Variants in RGN observed in about 807,000 individuals in gnomAD.
RGN encodes regucalcin, also known as epididymis secretory protein Li 41.
A neutral mutation model predicts 20.6 loss-of-function variants in RGN; 19 were observed. The observed-to-expected ratio is 0.92, with a 90% confidence interval of 0.64 to 1.35. RGN has a LOEUF of 1.35. Among genes scored for constraint, RGN ranks in the 40% most tolerant of loss-of-function variants. The probability of loss-of-function intolerance (pLI) is 0.00; values close to 1 mark genes in which losing one functional copy is unlikely to be tolerated. For missense variants in RGN, 302 were observed against 232.7 expected, an observed-to-expected ratio of 1.30 and a Z score of -1.94; for synonymous variants, 85 against 87.2, an observed-to-expected ratio of 0.97 and a Z score of 0.14.
At chrX:47,087,076 A>G (rs1477724275) in intron 4 of RGN, among the ~76,000 whole-genome samples, 4 of 111,906 alleles carry the variant, frequency 3.6e-5, no homozygotes, top group African/African-American at 1.3e-4. Context: ...AAAGTTTACT[A>G]TGATGGTTGC....
chrX:47,092,994 G>A lies in RGN; in HGVS notation c.*47G>A. On this transcript the variant is annotated 3_prime_UTR_variant, in exon 8 of 8. Transcript: ENST00000397180. Reference sequence around the variant, plus strand: ...AGAGGGAGCTCTGAAGACAACTAGAGAATTCTGGGCCTGAAATTTCAATCT... The same window carrying A: ...AGAGGGAGCTCTGAAGACAACTAGAAAATTCTGGGCCTGAAATTTCAATCT... 9 of 1,005,062 alleles carry A rather than the reference G, an allele frequency of 9.0e-6. No homozygotes were observed. The highest frequency in any genetic ancestry group is 1.2e-5 in the Non-Finnish European group (9 of 721,525). 82.8% of individuals were successfully genotyped at this position (1,005,062 alleles called of 1,213,427 possible). A position where few individuals can be genotyped will look rare whatever the true frequency, so the allele number is the denominator to read the frequency against.
At chrX:47,089,269 T>C (rs1187630932) in intron 4 of RGN, among the ~76,000 whole-genome samples, 1 of 91,724 alleles carries the variant, frequency 1.1e-5, no homozygotes, top group Non-Finnish European at 2.1e-5. Context: ...CGTGCATGTT[T>C]ACTCCTTCTT....
chrX:47,088,543 C>T (rs1371948639), intron 4 of RGN, among the ~76,000 whole-genome samples: 5 of 110,765 alleles, frequency 4.5e-5, no homozygotes, highest in Non-Finnish European at 5.7e-5. Flanking sequence ...ATTCTCTTCT[C>T]CTATGTGAGT....
intron 5 of RGN, 46 bp downstream of exon 5, chrX:47,090,037 CAT>C: frequency 1.0e-6 from 1 of 999,557 alleles, no homozygotes; most frequent in Non-Finnish European, 1.4e-6. Flanking sequence ...CTATTGTTTT[CAT>C]ATGTTTGTGA....
intron 5 of RGN, among the ~76,000 whole-genome samples, chrX:47,091,176 C>T (rs1930999346): frequency 9.0e-6 from 1 of 110,899 alleles, no homozygotes; most frequent in Admixed American, 9.7e-5. Context: ...TCTGAGTGCC[C>T]CTCCTGCAAG....
intron 4 of RGN, among the ~76,000 whole-genome samples, chrX:47,085,244 C>T (rs782738678): frequency 7.2e-5 from 8 of 111,125 alleles, no homozygotes; most frequent in Non-Finnish European, 1.1e-4. Context: ...ACAGGCCAGG[C>T]GTGGTGGCTC....
chrX:47,091,850 G>A, intron 6 of RGN, 41 bp downstream of exon 6: 2 of 1,184,221 alleles, frequency 1.7e-6, no homozygotes, highest in Non-Finnish European at 2.3e-6. Context: ...TCATGGCTAG[G>A]CAGAGATATA....
chrX:47,089,599 AC>A (rs1930830699), intron 4 of RGN, among the ~76,000 whole-genome samples, 176 bp from the exon 5 acceptor site: 34 of 12,269 alleles, frequency 2.8e-3, no homozygotes, highest in African/African-American at 0.018. Context: ...ATATATATAT[AC>A]ACACACACAC....
At chrX:47,084,823 C>T (rs1251653901) in intron 4 of RGN, 1 of 347,153 alleles carries the variant, frequency 2.9e-6, no homozygotes, top group Non-Finnish European at 4.9e-6. Context: ...GGCCTGGTGG[C>T]ATGCATCTGT....
rs140381313 is a variant in RGN at position 47,083,776 on chromosome X, G to A, written c.164-642G>A. ...AAATACAAATAAAAATTAGCTAGGC[G>A]TGGTGCATGCCTGTAATCCCAGCTA... is the stretch of plus-strand genomic sequence containing the variant. On this transcript the variant is annotated intron_variant, in intron 3 of 7. Transcript: ENST00000397180. Among the ~76,000 whole-genome samples the A allele has an allele frequency of 9.9e-3, 1,095 of 110,732 alleles. 9 individuals carry two copies. The highest frequency in any genetic ancestry group is 0.034 in the African/African-American group (1,026 of 30,399).
In RGN at chrX:47,089,822, G is replaced by C. The variant is rs1930853431; in HGVS notation, c.393G>C (p.Gln131His). The change falls in exon 5 of 8, where the codon CAG becomes CAC. Residue 131 changes from glutamine (Q) to histidine (H), a missense_variant. Coordinates refer to ENST00000397180, the MANE Select transcript of RGN (RefSeq NM_152869.4). Reference protein sequence around the residue: ...ETAPAVLERHQGALYSLFPDH... With the variant: ...ETAPAVLERHHGALYSLFPDH... The stretch of plus-strand genomic sequence containing the variant: ...CTCCAGCAGTTCTTGAGCGGCACCA[G>C]GGGGCCCTGTACTCCCTCTTTCCTG... 2 of 1,201,758 alleles carry C rather than the reference G, an allele frequency of 1.7e-6. No homozygotes were observed. Among genetic ancestry groups the C allele is most frequent in the Admixed American group, 4.5e-5 (2 of 44,442 alleles).
At chrX:47,086,107 T>G (rs1332233356) in intron 4 of RGN, among the ~76,000 whole-genome samples, 1 of 112,077 alleles carries the variant, frequency 8.9e-6, no homozygotes, top group East Asian at 2.8e-4. Context: ...TTTTTTTGTT[T>G]GTTTTTTATA....
intron 4 of RGN, 125 bp from the exon 5 acceptor site, chrX:47,089,651 G>T: frequency 2.8e-6 from 1 of 359,859 alleles, no homozygotes; most frequent in East Asian, 4.6e-5. Flanking sequence ...ATATGGCCCA[G>T]ATTGGAATTG....
At chrX:47,088,638 T>G (rs1257574136) in intron 4 of RGN, among the ~76,000 whole-genome samples, 1 of 110,041 alleles carries the variant, frequency 9.1e-6, no homozygotes, top group Non-Finnish European at 1.9e-5. Context: ...CTGAGTCTTG[T>G]TGAAATCCTT....
intron 5 of RGN, among the ~76,000 whole-genome samples, chrX:47,090,890 GAAGA>G (rs1178167758): frequency 3.3e-4 from 17 of 51,493 alleles, no homozygotes; most frequent in African/African-American, 1.2e-3. Flanking sequence ...AAGAAAAGAA[GAAGA>G]AAGAAAGAAA....
intron 4 of RGN, 88 bp downstream of exon 4, chrX:47,084,688 G>T: frequency 1.2e-6 from 1 of 833,524 alleles, no homozygotes; most frequent in Non-Finnish European, 1.7e-6. Flanking sequence ...CAGGGTGGTG[G>T]CTCCCGCCTG....
intron 4 of RGN, among the ~76,000 whole-genome samples, chrX:47,089,530 TCA>T (rs202221367): frequency 0.27 from 14,083 of 52,307 alleles, 2,972 homozygotes; most frequent in South Asian, 0.45. Flanking sequence ...TTATATATAC[TCA>T]TATATATACA....
chrX:47,080,436 C>G lies in RGN; in HGVS notation c.-516C>G, dbSNP rs146742385. The G allele has an allele frequency of 9.0e-6, 1 of 111,621 alleles. No homozygotes were observed. Among genetic ancestry groups the G allele is most frequent in the African/African-American group, 3.3e-5 (1 of 30,682 alleles). 9.2% of individuals were successfully genotyped at this position (111,621 alleles called of 1,213,427 possible). A position where few individuals can be genotyped will look rare whatever the true frequency, so the allele number is the denominator to read the frequency against. ...TTTGCCAAACTGGCACGGTGTCTTC[C>G]TGGGAAGCAAGAAATCACTGAGGGC... On this transcript the variant is annotated 5_prime_UTR_variant, in exon 2 of 8. Coordinates refer to ENST00000397180, the MANE Select transcript of RGN (RefSeq NM_152869.4).
intron 4 of RGN, among the ~76,000 whole-genome samples, chrX:47,088,768 C>CA (rs1287796396): frequency 1.5e-4 from 16 of 104,461 alleles, no homozygotes; most frequent in Non-Finnish European, 2.7e-4. Flanking sequence ...CCCGTCTCTA[C>CA]AAAAAAAATA....
Sources: gnomAD v4.1 joint callset for allele counts (sites outside exome capture counted in the v4.1 genomes callset) on GRCh38, gnomAD v4.1.1 for gene constraint, MANE v1.5 for transcripts, NCBI Gene and HGNC (gene_info 2026-07-23, HGNC 2026-07-21) for gene names.